TOP1: variants seen among roughly 807,000 people sequenced by gnomAD.
TOP1 encodes the protein DNA topoisomerase I.
Under a neutral mutation model 111.1 loss-of-function variants are expected in TOP1, and 10 were observed. That is an observed-to-expected ratio of 0.09 (90% CI 0.06 to 0.15). The LOEUF (loss-of-function observed/expected upper bound fraction) is 0.15. TOP1 is among the 10% of genes least tolerant of loss of function. The pLI is 1.00. For synonymous variants in TOP1, 271 were observed against 302.9 expected (o/e 0.89, Z 1.10); for missense variants, 474 against 926.7 (o/e 0.51, Z 6.34).
rs2033131510 is a variant in TOP1, at chr20:41,032,390, G to A, written c.58+2935G>A. 6.6e-6 allele frequency among the ~76,000 whole-genome samples: 1 copy of A among 152,214 alleles called. No individual in the cohort carries two copies. On this transcript the variant is annotated intron_variant, in intron 2 of 20. Coordinates refer to ENST00000361337, the MANE Select transcript of TOP1 (RefSeq NM_003286.4). The surrounding 1 kb of genome is among the most constrained non-coding windows in gnomAD (Gnocchi z 4.3). ...GTTGACAGTGAGTTAGGAATTTGGAGCAGAAACCATATCTAAGTCTAAGTG... is the reference window on the plus strand; with the variant it reads ...GTTGACAGTGAGTTAGGAATTTGGAACAGAAACCATATCTAAGTCTAAGTG...
Position 41,116,237 on chromosome 20 carries a change from A to G in TOP1, c.1708-41A>G. On this transcript the variant is annotated intron_variant, in intron 16 of 20. Coordinates refer to ENST00000361337, the MANE Select transcript of TOP1 (RefSeq NM_003286.4). This position sits in a 1 kb window ranked among gnomAD's most constrained non-coding sequence, Gnocchi z 5.6. ...CCTAGGGCTGCCAGAAGGAGCAGGT[A>G]GTATAGCTTTGACCTAAATCTGTTG... The G allele has an allele frequency of 7.5e-7, 1 of 1,331,228 alleles. No individual in the cohort carries two copies. Among genetic ancestry groups the G allele is most frequent in the Non-Finnish European group, 1.1e-6 (1 of 925,076 alleles). The allele number at this position is 1,331,228 out of a possible 1,614,324, so 82.5% of individuals were successfully genotyped here.
At chr20:41,064,293 C>T (rs535778366) in intron 3 of TOP1, among the ~76,000 whole-genome samples, 1 of 152,152 alleles carries the variant, frequency 6.6e-6, no homozygotes, top group South Asian at 2.1e-4. Context: ...GTACCATTAC[C>T]ATGCTGTTAG....
chr20:41,109,704 C>G lies in TOP1; in HGVS notation c.1309-3078C>G, dbSNP rs2034203756. ...GATACAGGAATGGTCAATAAATAAGCAAATGAAAGAGTGCTCGACATCACT... is the reference window on the plus strand; with the variant it reads ...GATACAGGAATGGTCAATAAATAAGGAAATGAAAGAGTGCTCGACATCACT... On this transcript the variant is annotated intron_variant, in intron 13 of 20. Coordinates refer to ENST00000361337, the MANE Select transcript of TOP1 (RefSeq NM_003286.4). The surrounding 1 kb of genome is among the most constrained non-coding windows in gnomAD (Gnocchi z 4.1). Among the ~76,000 whole-genome samples, 1 of 152,106 alleles carries G rather than the reference C, an allele frequency of 6.6e-6. No homozygotes were observed. Among genetic ancestry groups the G allele is most frequent in the Non-Finnish European group, 1.5e-5 (1 of 68,000 alleles).
chr20:41,062,568 TA>T (rs2033559017), intron 3 of TOP1, among the ~76,000 whole-genome samples: 1 of 152,218 alleles, frequency 6.6e-6, no homozygotes, highest in South Asian at 2.1e-4. Flanking sequence ...TTCTAGTTTA[TA>T]GTTGTCTAGC....
At chr20:41,031,575 T>C (rs1600548385) in intron 2 of TOP1, among the ~76,000 whole-genome samples, 1 of 152,254 alleles carries the variant, frequency 6.6e-6, no homozygotes, top group Non-Finnish European at 1.5e-5. Flanking sequence ...ATTTATTGAA[T>C]ACTTACTGCC....
At chr20:41,084,895 G>A (rs6072268) in intron 8 of TOP1, among the ~76,000 whole-genome samples, 19,177 of 152,128 alleles carry the variant, frequency 0.13, 1,409 homozygotes, top group Non-Finnish European at 0.15. Flanking sequence ...TATGTAAGTC[G>A]TGTTGGGAAA....
chr20:41,094,787 C>G lies in TOP1; in HGVS notation c.730+2200C>G, dbSNP rs897249846. 6.6e-6 allele frequency among the ~76,000 whole-genome samples: 1 copy of G among 152,180 alleles called. No individual in the cohort carries two copies. Among genetic ancestry groups the G allele is most frequent in the Non-Finnish European group, 1.5e-5 (1 of 68,022 alleles). On this transcript the variant is annotated intron_variant, in intron 9 of 20. Coordinates refer to ENST00000361337, the MANE Select transcript of TOP1 (RefSeq NM_003286.4). This position sits in a 1 kb window ranked among gnomAD's most constrained non-coding sequence, Gnocchi z 4.4. ...GCCAGGGAGGTGGGGCATGGGCTAG[C>G]TGAAGCAGTGAATTACTGCCTTCTC...
chr20:41,121,650 A>G lies in TOP1; in HGVS notation c.1951-46A>G, dbSNP rs1387585465. ...TGGTTTCACCTTCTCAGGTGGAGCC[A>G]TTTTTCCTCTACAGCTCATAACCTT... On this transcript the variant is annotated intron_variant, in intron 18 of 20. Transcript: ENST00000361337. This position sits in a 1 kb window ranked among gnomAD's most constrained non-coding sequence, Gnocchi z 4.2. 2 of 1,516,644 alleles carry G rather than the reference A, an allele frequency of 1.3e-6. No individual in the cohort carries two copies. The highest frequency in any genetic ancestry group is 1.8e-6 in the Non-Finnish European group (2 of 1,091,788). 93.9% of individuals were successfully genotyped at this position (1,516,644 alleles called of 1,614,324 possible).
At chr20:41,073,040 T>G (rs2033685308) in intron 3 of TOP1, 1 of 985,258 alleles carries the variant, frequency 1.0e-6, no homozygotes, top group Non-Finnish European at 1.2e-6. Flanking sequence ...TCTTTCTGGT[T>G]AGCAGGCAGA....
chr20:41,085,030 A>G (rs1023206692), intron 8 of TOP1, among the ~76,000 whole-genome samples: 2 of 152,024 alleles, frequency 1.3e-5, no homozygotes, highest in African/African-American at 4.8e-5. Flanking sequence ...GGTGTTTTAC[A>G]TTTGATACAT....
In TOP1 at chr20:41,034,018, A is replaced by G. The variant is rs2033153733; in HGVS notation, c.58+4563A>G. The stretch of plus-strand genomic sequence containing the variant: ...AACCCTATTGAAAGAATAGTAAAAT[A>G]TATTGGATGTGGAGGTGAGAGTCAG... On this transcript the variant is annotated intron_variant, in intron 2 of 20. Transcript: ENST00000361337. This position sits in a 1 kb window ranked among gnomAD's most constrained non-coding sequence, Gnocchi z 4.0. Among the ~76,000 whole-genome samples the G allele has an allele frequency of 6.6e-6, 1 of 152,150 alleles. No individual in the cohort carries two copies. Among genetic ancestry groups the G allele is most frequent in the Non-Finnish European group, 1.5e-5 (1 of 68,010 alleles).
intron 18 of TOP1, among the ~76,000 whole-genome samples, chr20:41,120,757 T>C (rs1443910492): frequency 6.6e-6 from 1 of 152,230 alleles, no homozygotes; most frequent in Non-Finnish European, 1.5e-5. Context: ...CTCCTTTTTT[T>C]TTGAGACGGA....
intron 13 of TOP1, among the ~76,000 whole-genome samples, chr20:41,107,987 G>T (rs1294839948): frequency 3.3e-5 from 5 of 152,106 alleles, no homozygotes; most frequent in Non-Finnish European, 5.9e-5. Flanking sequence ...ACCACATCCA[G>T]CCTAGAGCAC....
chr20:41,045,972 C>G (rs983431334), intron 2 of TOP1, among the ~76,000 whole-genome samples: 1 of 152,108 alleles, frequency 6.6e-6, no homozygotes, highest in Non-Finnish European at 1.5e-5. Flanking sequence ...GAACAAAATC[C>G]GATTGTAGCT....
At chr20:41,044,316 G>A (rs539046782) in intron 2 of TOP1, among the ~76,000 whole-genome samples, 8 of 152,252 alleles carry the variant, frequency 5.3e-5, no homozygotes, top group Admixed American at 2.0e-4. Flanking sequence ...CATCTTAAGG[G>A]TCTTGTACTA....
At chr20:41,065,401 A>G (rs1214828246) in intron 3 of TOP1, among the ~76,000 whole-genome samples, 2 of 152,198 alleles carry the variant, frequency 1.3e-5, no homozygotes, top group Non-Finnish European at 2.9e-5. Flanking sequence ...TTTTCACACA[A>G]TTGTGTGTGG....
Position 41,101,769 on chromosome 20 carries a change from G to A in TOP1, c.1308+416G>A, listed in dbSNP as rs1253394039. 2.6e-5 allele frequency among the ~76,000 whole-genome samples: 4 copies of A among 152,198 alleles called. No individual in the cohort carries two copies. The highest frequency in any genetic ancestry group is 4.4e-5 in the Non-Finnish European group (3 of 68,046). ...CTCTTGGTTATGAGAAGGGAATGTAGTTTCTGTATATCCTGAAACAAGTTG... is the reference window on the plus strand; with the variant it reads ...CTCTTGGTTATGAGAAGGGAATGTAATTTCTGTATATCCTGAAACAAGTTG... On this transcript the variant is annotated intron_variant, in intron 13 of 20. Transcript: ENST00000361337. This position sits in a 1 kb window ranked among gnomAD's most constrained non-coding sequence, Gnocchi z 4.1.
Position 41,106,934 on chromosome 20 carries a change from C to G in TOP1, c.1308+5581C>G, listed in dbSNP as rs2034156374. On this transcript the variant is annotated intron_variant, in intron 13 of 20. Transcript: ENST00000361337. The surrounding 1 kb of genome is among the most constrained non-coding windows in gnomAD (Gnocchi z 4.3). ...TTTAAACACAATTATCCATAAAACC[C>G]TAACCCTTTCCCTAGTCAACAGCAG... 1.3e-5 allele frequency among the ~76,000 whole-genome samples: 2 copies of G among 152,090 alleles called. No homozygotes were observed. Among genetic ancestry groups the G allele is most frequent in the African/African-American group, 2.4e-5 (1 of 41,424 alleles).
chr20:41,120,750 CT>C (rs1555808042), intron 18 of TOP1, among the ~76,000 whole-genome samples: 1 of 151,554 alleles, frequency 6.6e-6, no homozygotes, highest in South Asian at 2.1e-4. Context: ...GACTTCTCTC[CT>C]TTTTTTTTGA....
Sources: gnomAD v4.1 joint callset for allele counts (sites outside exome capture counted in the v4.1 genomes callset) on GRCh38, gnomAD v4.1.1 for gene constraint, Gnocchi (gnomAD v3.1) non-coding constraint, MANE v1.5 for transcripts, NCBI Gene and HGNC (gene_info 2026-07-23, HGNC 2026-07-21) for gene names.